FAM120C: variants seen among roughly 807,000 people sequenced by gnomAD.
FAM120C encodes constitutive coactivator of PPAR-gamma-like protein 2.
In FAM120C, 14 loss-of-function variants were observed where a neutral mutation model predicts 71.2. The ratio of observed to expected loss-of-function variants is 0.20; its 90% CI spans 0.13 to 0.31. The LOEUF is 0.31. Ranked by LOEUF, FAM120C falls within the 10% of genes least tolerant of loss-of-function variation. FAM120C has a pLI of 1.00. For synonymous variants in FAM120C, 354 were observed against 353.2 expected, an observed-to-expected ratio of 1.00 and a Z score of -0.03; for missense variants, 500 against 879.0, an observed-to-expected ratio of 0.57 and a Z score of 5.45.
chrX:54,161,756 T>C (rs1569533559), intron 1 of FAM120C, among the ~76,000 whole-genome samples: 1 of 112,294 alleles, frequency 8.9e-6, no homozygotes, highest in African/African-American at 3.2e-5. Flanking sequence ...CTCAGCCTCC[T>C]GAGTAGCCGG....
chrX:54,168,630 T>C (rs1313344009), intron 1 of FAM120C, among the ~76,000 whole-genome samples: 10 of 112,428 alleles, frequency 8.9e-5, no homozygotes, highest in Non-Finnish European at 1.5e-4. Context: ...CTCCAGTACA[T>C]AGACCACTCA....
chrX:54,175,685 T>C (rs1557136586), intron 1 of FAM120C, among the ~76,000 whole-genome samples: 1 of 110,912 alleles, frequency 9.0e-6, no homozygotes, highest in Admixed American at 9.6e-5. Flanking sequence ...CAAGATATTT[T>C]AGTCAATATA....
chrX:54,147,166 G>T (rs1557132478), intron 4 of FAM120C, among the ~76,000 whole-genome samples: 1 of 110,082 alleles, frequency 9.1e-6, no homozygotes, highest in Non-Finnish European at 1.9e-5. Context: ...AAATACAAAA[G>T]ATCAGCCAGG....
chrX:54,070,644 C>T lies in FAM120C; in HGVS notation c.*2389G>A, dbSNP rs1187854633. The T allele has an allele frequency of 8.9e-6, 1 of 111,824 alleles. No homozygotes were observed. The highest frequency in any genetic ancestry group is 3.2e-5 in the African/African-American group (1 of 30,807). The allele number at this position is 111,824 out of a possible 1,213,427, so 9.2% of individuals were successfully genotyped here. A position where few individuals can be genotyped will look rare whatever the true frequency, so the allele number is the denominator to read the frequency against. On this transcript the variant is annotated 3_prime_UTR_variant, in exon 16 of 16. Coordinates refer to ENST00000375180, the MANE Select transcript of FAM120C (RefSeq NM_017848.6). The stretch of plus-strand genomic sequence containing the variant: ...AAGCCATGTAAATTTACTACTATCC[C>T]TTCCTTTGCTGGATATAGAAGTCCT...
At chrX:54,093,380 C>G (rs2066833650) in intron 10 of FAM120C, among the ~76,000 whole-genome samples, 1 of 112,026 alleles carries the variant, frequency 8.9e-6, no homozygotes, top group African/African-American at 3.2e-5. Flanking sequence ...ACAGATTGTT[C>G]TGGGTGCTCT....
intron 3 of FAM120C, among the ~76,000 whole-genome samples, chrX:54,154,889 C>G (rs1489649617): frequency 2.7e-5 from 3 of 110,886 alleles, no homozygotes; most frequent in African/African-American, 9.8e-5. Flanking sequence ...TATATGAGAT[C>G]AATCGTATGT....
At chrX:54,129,086 C>T (rs1172982694) in intron 9 of FAM120C, among the ~76,000 whole-genome samples, 4 of 100,854 alleles carry the variant, frequency 4.0e-5, no homozygotes, top group Non-Finnish European at 6.0e-5. Context: ...ACGGGGCGGC[C>T]GGCCGGGCAG....
rs889332300 is a variant in FAM120C at position 54,134,144 on chromosome X, C to A, written c.1617-98G>T. The A allele has an allele frequency of 8.1e-6, 7 of 863,690 alleles. No homozygotes were observed. The Admixed American group carries it at 1.2e-4, about 15-fold the overall frequency. 71.2% of individuals were successfully genotyped at this position (863,690 alleles called of 1,213,427 possible). ...TTCTGGACCCAAGGGGTCTCACAAA[C>A]CCTTTGGAGGGCAGGACACTGGGTT... On this transcript the variant is annotated intron_variant, in intron 7 of 15. Coordinates refer to ENST00000375180, the MANE Select transcript of FAM120C (RefSeq NM_017848.6).
intron 1 of FAM120C, among the ~76,000 whole-genome samples, chrX:54,169,330 T>G (rs1440877753): frequency 9.0e-6 from 1 of 110,968 alleles, no homozygotes. Context: ...TTAAGTACAT[T>G]GTTTCTCAAA....
intron 1 of FAM120C, among the ~76,000 whole-genome samples, chrX:54,164,831 A>G (rs1603364155): frequency 1.8e-5 from 2 of 112,096 alleles, no homozygotes; most frequent in South Asian, 7.4e-4. Flanking sequence ...AGGAACCTCC[A>G]TACTGTTTTC....
At chrX:54,083,198 G>C (rs1010149039) in intron 13 of FAM120C, among the ~76,000 whole-genome samples, 10 of 110,403 alleles carry the variant, frequency 9.1e-5, no homozygotes, top group Non-Finnish European at 1.7e-4. Context: ...TTGTAATTTA[G>C]CACAAAAATA....
At position 54,180,359 on chromosome X, in the gene FAM120C, C is replaced by T. The variant is rs146914950; in HGVS notation, c.699+2141G>A. On this transcript the variant is annotated intron_variant, in intron 1 of 15. Transcript: ENST00000375180. Reference sequence around the variant, plus strand: ...CTCCCTTACTCAAAATTAACCATGCCCCCTATAGGGGCCACATTTTTCATC... The same window carrying T: ...CTCCCTTACTCAAAATTAACCATGCTCCCTATAGGGGCCACATTTTTCATC... Among the ~76,000 whole-genome samples the T allele has an allele frequency of 1.7e-4, 19 of 112,233 alleles. No homozygotes were observed. In the East Asian group the frequency reaches 4.5e-3, roughly 26 times the overall value.
intron 11 of FAM120C, among the ~76,000 whole-genome samples, chrX:54,090,686 A>C (rs2066819923): frequency 9.0e-6 from 1 of 111,628 alleles, no homozygotes; most frequent in Non-Finnish European, 1.9e-5. Flanking sequence ...CTCAATAAAC[A>C]AACCTCTTTT....
chrX:54,089,375 G>A (rs1425171566), intron 11 of FAM120C, among the ~76,000 whole-genome samples: 1 of 111,499 alleles, frequency 9.0e-6, no homozygotes, highest in Non-Finnish European at 1.9e-5. Flanking sequence ...TGTGTTAGAA[G>A]ACAGCTTTAA....
chrX:54,180,050 T>A (rs1473288303), intron 1 of FAM120C, among the ~76,000 whole-genome samples: 1 of 112,376 alleles, frequency 8.9e-6, no homozygotes, highest in Non-Finnish European at 1.9e-5. Flanking sequence ...ATCTTTTTTA[T>A]TAACTGCTGG....
chrX:54,129,854 C>A (rs1395569465), intron 9 of FAM120C, among the ~76,000 whole-genome samples: 1 of 111,179 alleles, frequency 9.0e-6, no homozygotes, highest in Non-Finnish European at 1.9e-5. Flanking sequence ...CCGGTCTCCA[C>A]CAAAAAAATA....
intron 1 of FAM120C, among the ~76,000 whole-genome samples, chrX:54,169,714 G>A (rs1818720512): frequency 8.9e-6 from 1 of 111,960 alleles, no homozygotes; most frequent in South Asian, 3.8e-4. Context: ...CTTATAAGAA[G>A]ATTCGAGGGC....
intron 15 of FAM120C, among the ~76,000 whole-genome samples, chrX:54,079,134 T>C (rs1238949418): frequency 1.9e-5 from 2 of 107,392 alleles, no homozygotes; most frequent in East Asian, 2.9e-4. Context: ...TGGTGGCGGG[T>C]GCCTGTAGTC....
chrX:54,169,424 G>A (rs2067276260), intron 1 of FAM120C, among the ~76,000 whole-genome samples: 3 of 112,118 alleles, frequency 2.7e-5, no homozygotes. Flanking sequence ...AAAATAACTA[G>A]ATTGTAAGCC....
Sources: allele counts gnomAD v4.1 joint callset (sites outside exome capture counted in the v4.1 genomes callset), GRCh38; gene constraint gnomAD v4.1.1; transcripts MANE v1.5; gene names NCBI Gene and HGNC (gene_info 2026-07-23, HGNC 2026-07-21).